The following SLC24A2 variants were observed in gnomAD, a reference collection of about 807,000 sequenced individuals.
SLC24A2 encodes solute carrier family 24 member 2.
In SLC24A2, 36 loss-of-function variants were observed where a neutral mutation model predicts 62.0. The ratio of observed to expected loss-of-function variants is 0.58; its 90% CI spans 0.44 to 0.77. The LOEUF (loss-of-function observed/expected upper bound fraction) is 0.77. Among genes scored for constraint, SLC24A2 ranks in the 30% least tolerant of loss-of-function variants. The probability of loss-of-function intolerance (pLI) is 0.00; values close to 1 mark genes in which losing one functional copy is unlikely to be tolerated. For missense variants in SLC24A2, 846 were observed against 817.9 expected (o/e 1.03, Z -0.42); for synonymous variants, 358 against 294.0 (o/e 1.22, Z -2.23).
chr9:19,999,518 A>G, the SLC24A2 span, among the ~76,000 whole-genome samples: 8 of 152,206 alleles, frequency 5.3e-5, no homozygotes, highest in African/African-American at 1.9e-4. Flanking sequence ...TACAATAAAT[A>G]CTCCAACAAA....
intron 2 of SLC24A2, among the ~76,000 whole-genome samples, chr9:19,721,968 A>G (rs928161757): frequency 6.6e-6 from 1 of 152,052 alleles, no homozygotes; most frequent in African/African-American, 2.4e-5. Flanking sequence ...TTTACTCTCC[A>G]TCTTCTAATA....
the SLC24A2 span, among the ~76,000 whole-genome samples, chr9:19,976,227 T>C: frequency 0.5 from 75,573 of 152,024 alleles, 19,441 homozygotes; most frequent in Non-Finnish European, 0.55. Flanking sequence ...GTTATAGCTT[T>C]CATATTGTAT....
At chr9:19,573,642 G>C (rs1183473755) in intron 6 of SLC24A2, among the ~76,000 whole-genome samples, 173 bp from the exon 7 acceptor site, 1 of 152,094 alleles carries the variant, frequency 6.6e-6, no homozygotes, top group Non-Finnish European at 1.5e-5. Context: ...TGGTGTCCCA[G>C]GGGCGATAAG....
the SLC24A2 span, among the ~76,000 whole-genome samples, chr9:20,047,496 G>T: frequency 2.7e-5 from 4 of 150,636 alleles, no homozygotes; most frequent in Admixed American, 2.6e-4. Context: ...ACCAAAGACT[G>T]GGTGGCTTCT....
the SLC24A2 span, among the ~76,000 whole-genome samples, chr9:20,025,915 C>T: frequency 6.6e-6 from 1 of 152,132 alleles, no homozygotes; most frequent in Non-Finnish European, 1.5e-5. Flanking sequence ...TTATTCAGGA[C>T]AATTTCTCTT....
At chr9:19,527,756 T>C (rs1390111766) in intron 9 of SLC24A2, among the ~76,000 whole-genome samples, 2 of 152,148 alleles carry the variant, frequency 1.3e-5, no homozygotes, top group Non-Finnish European at 2.9e-5. Context: ...AATCTTGACA[T>C]TGCTCTCAGG....
chr9:19,860,241 T>C, the SLC24A2 span, among the ~76,000 whole-genome samples: 1 of 152,176 alleles, frequency 6.6e-6, no homozygotes, highest in East Asian at 1.9e-4. Flanking sequence ...TTATTTTACA[T>C]CTTGGATACC....
chr9:19,534,750 G>C (rs1271164612), intron 8 of SLC24A2, among the ~76,000 whole-genome samples: 1 of 152,094 alleles, frequency 6.6e-6, no homozygotes, highest in Admixed American at 6.5e-5. Flanking sequence ...TCTTTATCCA[G>C]TCTACCACTG....
At chr9:19,852,318 G>C in the SLC24A2 span, among the ~76,000 whole-genome samples, 1 of 152,092 alleles carries the variant, frequency 6.6e-6, no homozygotes, top group Non-Finnish European at 1.5e-5. Flanking sequence ...AAGCTCTTTA[G>C]TTTAATTAGA....
At chr9:19,809,192 G>C in the SLC24A2 span, among the ~76,000 whole-genome samples, 1 of 152,038 alleles carries the variant, frequency 6.6e-6, no homozygotes, top group African/African-American at 2.4e-5. Flanking sequence ...TGGAATGATA[G>C]GATAGTTTTG....
the SLC24A2 span, among the ~76,000 whole-genome samples, chr9:20,138,047 T>A: frequency 6.6e-6 from 1 of 152,182 alleles, no homozygotes; most frequent in Non-Finnish European, 1.5e-5. Context: ...AAGTTATACA[T>A]GTGGTCATTG....
At chr9:20,292,242 G>A in the SLC24A2 span, among the ~76,000 whole-genome samples, 1 of 152,120 alleles carries the variant, frequency 6.6e-6, no homozygotes, top group Non-Finnish European at 1.5e-5. Context: ...GATACAATGG[G>A]AATAACAGAA....
chr9:20,106,964 A>C, the SLC24A2 span, among the ~76,000 whole-genome samples: 27 of 152,302 alleles, frequency 1.8e-4, 1 homozygote, highest in East Asian at 5.8e-4. Flanking sequence ...TGTCTCAGCC[A>C]AAAATCTCCT....
the SLC24A2 span, among the ~76,000 whole-genome samples, chr9:19,867,840 G>A: frequency 6.6e-6 from 1 of 152,110 alleles, no homozygotes; most frequent in African/African-American, 2.4e-5. Flanking sequence ...CCCGGGAGGC[G>A]GAGGTTGCAG....
chr9:20,066,374 G>A, the SLC24A2 span, among the ~76,000 whole-genome samples: 3 of 152,120 alleles, frequency 2.0e-5, no homozygotes, highest in Admixed American at 2.0e-4. Context: ...TAGCTTTGAG[G>A]GAGAGAGAAG....
At chr9:20,283,843 T>C in the SLC24A2 span, among the ~76,000 whole-genome samples, 2,403 of 152,220 alleles carry the variant, frequency 0.016, 72 homozygotes, top group African/African-American at 0.053. Context: ...GCAATGCTTT[T>C]CTTGCCCTCT....
At chr9:19,841,447 C>T in the SLC24A2 span, among the ~76,000 whole-genome samples, 3 of 152,206 alleles carry the variant, frequency 2.0e-5, no homozygotes, top group African/African-American at 7.2e-5. Context: ...CAGACACATA[C>T]CTGGTCTTTT....
chr9:20,129,176 G>C, the SLC24A2 span, among the ~76,000 whole-genome samples: 1 of 152,102 alleles, frequency 6.6e-6, no homozygotes, highest in Non-Finnish European at 1.5e-5. Flanking sequence ...CAAGTGGTCA[G>C]CAAGCTCATG....
At chr9:19,850,947 A>G in the SLC24A2 span, among the ~76,000 whole-genome samples, 325 of 8,994 alleles carry the variant, frequency 0.036, 7 homozygotes, top group African/African-American at 0.14. Context: ...ATATATATAC[A>G]TATATATATA....
Sources: gnomAD v4.1 joint callset for allele counts (sites outside exome capture counted in the v4.1 genomes callset) on GRCh38, gnomAD v4.1.1 for gene constraint, MANE v1.5 for transcripts, NCBI Gene and HGNC (gene_info 2026-07-23, HGNC 2026-07-21) for gene names.